Variants in PRKG1 observed in about 807,000 individuals in gnomAD.
PRKG1 encodes the protein protein kinase cGMP-dependent 1.
In PRKG1, 35 loss-of-function variants were observed where a neutral mutation model predicts 88.1. That is an observed-to-expected ratio of 0.40 (90% CI 0.30 to 0.53). The LOEUF is 0.53. Ranked by LOEUF, PRKG1 falls within the 20% of genes least tolerant of loss-of-function variation. The pLI is 0.59. For synonymous variants in PRKG1, 303 were observed against 292.5 expected (o/e 1.04, Z -0.37); for missense variants, 540 against 839.8 (o/e 0.64, Z 4.41).
chr10:51,138,849 A>AT (rs1438772974), intron 1 of PRKG1, among the ~76,000 whole-genome samples: 1 of 150,912 alleles, frequency 6.6e-6, no homozygotes, highest in African/African-American at 2.4e-5. Flanking sequence ...TGCCCGGCTA[A>AT]TTTTTTACAT....
chr10:51,826,766 T>C (rs1839891101), intron 4 of PRKG1, among the ~76,000 whole-genome samples: 1 of 152,194 alleles, frequency 6.6e-6, no homozygotes, highest in Admixed American at 6.5e-5. Context: ...CTTCTCTTCA[T>C]GTGTTTGTCA....
At chr10:51,805,412 C>T (rs2132612734) in intron 4 of PRKG1, among the ~76,000 whole-genome samples, 1 of 151,986 alleles carries the variant, frequency 6.6e-6, no homozygotes, top group Non-Finnish European at 1.5e-5. Flanking sequence ...AATATATTAT[C>T]TTATAACTGA....
rs151191418 is a variant in PRKG1 at position 51,480,864 on chromosome 10, G to T, written c.592+13028G>T. Among the ~76,000 whole-genome samples the T allele has an allele frequency of 7.5e-3, 1,148 of 152,148 alleles. 9 individuals carry two copies. Among genetic ancestry groups the T allele is most frequent in the African/African-American group, 0.027 (1,102 of 41,522 alleles). ...GTTAAGGAAAGATTTCAGAAGATAC[G>T]TTAAGAAATATAAACATAAAAGCAA... On this transcript the variant is annotated intron_variant, in intron 3 of 17. Transcript: ENST00000373980.
intron 3 of PRKG1, among the ~76,000 whole-genome samples, chr10:51,801,236 G>A (rs1489232312): frequency 1.3e-5 from 2 of 152,084 alleles, no homozygotes; most frequent in East Asian, 1.9e-4. Context: ...TTCAGCCAGA[G>A]ACAATATGTA....
rs16927021 is a variant in PRKG1, at chr10:52,126,987, T to C, written c.936-6853T>C. Among the ~76,000 whole-genome samples, 2,854 of 152,116 alleles carry C rather than the reference T, an allele frequency of 0.019. 204 individuals are homozygous for C. In the East Asian group the frequency reaches 0.25, roughly 13 times the overall value. On this transcript the variant is annotated intron_variant, in intron 7 of 17. Transcript: ENST00000373980. ...ACATGACTAGATTTACATTTGAAAA[T>C]GTATGGCAGAGTGAGATAAGGATTA...
intron 1 of PRKG1, among the ~76,000 whole-genome samples, chr10:50,999,663 A>G (rs929494736): frequency 2.0e-5 from 3 of 152,210 alleles, no homozygotes; most frequent in African/African-American, 4.8e-5. Flanking sequence ...TTATTCAACT[A>G]TATGGTACTG....
rs74469072 is a variant in PRKG1 at position 51,787,504 on chromosome 10, G to T, written c.593-17081G>T. Among the ~76,000 whole-genome samples, 839 of 152,254 alleles carry T rather than the reference G, an allele frequency of 5.5e-3. 13 individuals carry two copies. Among genetic ancestry groups the T allele is most frequent in the Middle Eastern group, 0.02 (6 of 294 alleles). ...ATTACCCAGCATGGTAGTTCCCCAA[G>T]GAAGAGATGCTGCTGGCAGAACAAC... On this transcript the variant is annotated intron_variant, in intron 3 of 17. Transcript: ENST00000373980.
At chr10:51,202,742 G>T (rs565054738) in intron 2 of PRKG1, among the ~76,000 whole-genome samples, 48 of 152,310 alleles carry the variant, frequency 3.2e-4, no homozygotes, top group African/African-American at 1.0e-3. Flanking sequence ...AGATTCGTTT[G>T]AGAATTGCAA....
chr10:51,281,874 C>T (rs1412932558), intron 2 of PRKG1, among the ~76,000 whole-genome samples: 2 of 152,188 alleles, frequency 1.3e-5, no homozygotes, highest in Non-Finnish European at 2.9e-5. Context: ...ATTCTCTGCT[C>T]ATTAGAGTCA....
intron 2 of PRKG1, among the ~76,000 whole-genome samples, chr10:51,330,714 A>C (rs971444058): frequency 7.0e-5 from 7 of 99,668 alleles, no homozygotes; most frequent in African/African-American, 2.9e-4. Flanking sequence ...CATTCTGGTC[A>C]CATTGATTTC....
intron 2 of PRKG1, among the ~76,000 whole-genome samples, chr10:51,173,146 A>G (rs572327093): frequency 7.9e-5 from 12 of 151,694 alleles, no homozygotes; most frequent in Non-Finnish European, 1.8e-4. Flanking sequence ...TTATCTTCTT[A>G]TAATTATAAT....
Position 51,657,367 on chromosome 10 carries a change from G to A in PRKG1, c.593-147218G>A, listed in dbSNP as rs550874971. 2.6e-5 allele frequency among the ~76,000 whole-genome samples: 4 copies of A among 152,226 alleles called. No individual in the cohort carries two copies. In the South Asian group the frequency reaches 8.3e-4, roughly 32 times the overall value. On this transcript the variant is annotated intron_variant, in intron 3 of 17. Transcript: ENST00000373980. ...GATAAAAATCATTTTGTTTTCAGAT[G>A]AAATATAGTAAGCATGGATACAGAA...
Position 51,873,036 on chromosome 10 carries a change from A to T in PRKG1, c.699-34471A>T, listed in dbSNP as rs867968099. Among the ~76,000 whole-genome samples, 5 of 152,166 alleles carry T rather than the reference A, an allele frequency of 3.3e-5. No individual in the cohort carries two copies. The South Asian group carries it at 6.2e-4, about 19-fold the overall frequency. ...TGCACCATTTGTTTTAGGAAGATGC[A>T]GTAAAACACTGGCTAACTGGAATTC... is the stretch of plus-strand genomic sequence containing the variant. On this transcript the variant is annotated intron_variant, in intron 4 of 17. Transcript: ENST00000373980.
intron 3 of PRKG1, among the ~76,000 whole-genome samples, chr10:51,690,241 T>A (rs1280924921): frequency 6.6e-6 from 1 of 152,024 alleles, no homozygotes; most frequent in Non-Finnish European, 1.5e-5. Flanking sequence ...TCATGAGAAA[T>A]CCACCCTCAT....
chr10:51,570,067 A>ATATATATATATG lies in PRKG1; in HGVS notation c.592+102232_592+102233insATATATATATGT, dbSNP rs1491310201. ...CAAACTAGTATATATATATATATATATGTGTGTGTGTGTTTATATATGTAT... is the reference window on the plus strand; with the variant it reads ...CAAACTAGTATATATATATATATATATATATATATATGTGTGTGTGTGTGTTTATATATGTAT... On this transcript the variant is annotated intron_variant, in intron 3 of 17. Coordinates refer to ENST00000373980, the MANE Select transcript of PRKG1 (RefSeq NM_006258.4). 6.5e-4 allele frequency among the ~76,000 whole-genome samples: 73 copies of ATATATATATATG among 113,074 alleles called. 3 individuals are homozygous for ATATATATATATG. Among genetic ancestry groups the ATATATATATATG allele is most frequent in the African/African-American group, 1.6e-3 (45 of 27,732 alleles). The allele number at this position is 113,074 out of a possible 152,430, so 74.2% of individuals were successfully genotyped here.
At chr10:51,848,804 C>A (rs889663644) in intron 4 of PRKG1, among the ~76,000 whole-genome samples, 3 of 151,198 alleles carry the variant, frequency 2.0e-5, no homozygotes, top group African/African-American at 7.3e-5. Context: ...ACTTCTCAGC[C>A]TATGTGTGCA....
At chr10:52,011,165 C>T (rs573552947) in intron 5 of PRKG1, among the ~76,000 whole-genome samples, 2 of 152,262 alleles carry the variant, frequency 1.3e-5, no homozygotes, top group South Asian at 4.1e-4. Context: ...GGCCAAACAG[C>T]CTGAAGGAAA....
chr10:51,458,149 CAT>C (rs1475164558), intron 2 of PRKG1, among the ~76,000 whole-genome samples: 1 of 152,066 alleles, frequency 6.6e-6, no homozygotes, highest in Admixed American at 6.6e-5. Flanking sequence ...GGAAAAAATA[CAT>C]ATATCACATC....
At chr10:51,670,677 A>G (rs1589180254) in intron 3 of PRKG1, among the ~76,000 whole-genome samples, 2 of 148,736 alleles carry the variant, frequency 1.3e-5, no homozygotes, top group Admixed American at 6.7e-5. Context: ...CAGAGCTTGC[A>G]GTGAGCCGAG....
Sources: allele counts gnomAD v4.1 joint callset (sites outside exome capture counted in the v4.1 genomes callset), GRCh38; gene constraint gnomAD v4.1.1; transcripts MANE v1.5; gene names NCBI Gene and HGNC (gene_info 2026-07-23, HGNC 2026-07-21).